The following SIL1 variants were observed in gnomAD, a reference collection of about 807,000 sequenced individuals.
The protein encoded by SIL1 is nucleotide exchange factor SIL1.
In SIL1, 40 loss-of-function variants were observed where a neutral mutation model predicts 49.1. The ratio of observed to expected loss-of-function variants is 0.81; its 90% confidence interval spans 0.63 to 1.06. The LOEUF (loss-of-function observed/expected upper bound fraction) is 1.06, where lower values mean the gene tolerates loss of function less well. SIL1 is among the 50% of genes least tolerant of loss of function. The probability of loss-of-function intolerance (pLI) is 0.00; values close to 1 mark genes in which losing one functional copy is unlikely to be tolerated. For synonymous variants in SIL1, 253 were observed against 250.8 expected, an observed-to-expected ratio of 1.01 and a Z score of -0.08; for missense variants, 500 against 572.6, an observed-to-expected ratio of 0.87 and a Z score of 1.29.
chr5:139,027,462 T>G (rs899470710), intron 5 of SIL1, among the ~76,000 whole-genome samples: 1 of 152,172 alleles, frequency 6.6e-6, no homozygotes, highest in Non-Finnish European at 1.5e-5. Context: ...CATAGAAAAC[T>G]ATGGGTAAGA....
chr5:139,057,939 G>A (rs1769492062), intron 3 of SIL1, among the ~76,000 whole-genome samples: 2 of 152,142 alleles, frequency 1.3e-5, no homozygotes, highest in Non-Finnish European at 2.9e-5. Context: ...CTATTCATGA[G>A]GCGTGGAACT....
intron 1 of SIL1, among the ~76,000 whole-genome samples, chr5:139,165,096 CACGCATTCTTTTAGGTCCGATAAGAA>C (rs1452071301): frequency 1.3e-5 from 2 of 152,284 alleles, no homozygotes; most frequent in East Asian, 3.9e-4. Context: ...AACTAAGAGT[CACGCATTCTTTTAGGTCCGATAAGAA>C]ACATTTTACA....
chr5:139,053,266 C>T (rs1769332166), intron 3 of SIL1, among the ~76,000 whole-genome samples: 1 of 152,168 alleles, frequency 6.6e-6, no homozygotes, highest in Non-Finnish European at 1.5e-5. Context: ...GCCCCCTTTA[C>T]TCTACCACAT....
chr5:139,173,979 A>C (rs1486717710), intron 1 of SIL1, among the ~76,000 whole-genome samples: 1 of 151,474 alleles, frequency 6.6e-6, no homozygotes, highest in Non-Finnish European at 1.5e-5. Flanking sequence ...AGAAAAAAAA[A>C]AAAACAGGAA....
intron 1 of SIL1, among the ~76,000 whole-genome samples, chr5:139,158,324 G>A (rs1751443710): frequency 6.6e-6 from 1 of 152,242 alleles, no homozygotes; most frequent in African/African-American, 2.4e-5. Flanking sequence ...ATCTTTGGGT[G>A]AGCCTCTGAA....
intron 3 of SIL1, among the ~76,000 whole-genome samples, chr5:139,075,721 A>G (rs1037986922): frequency 2.0e-5 from 3 of 152,222 alleles, no homozygotes; most frequent in South Asian, 2.1e-4. Flanking sequence ...CTGTGTGTCA[A>G]TGCCCCATTA....
intron 7 of SIL1, among the ~76,000 whole-genome samples, chr5:138,993,293 C>T (rs1168334524): frequency 1.3e-5 from 2 of 152,158 alleles, no homozygotes; most frequent in Admixed American, 6.5e-5. Flanking sequence ...GGGATGGCAT[C>T]CTAGTGTGAC....
intron 3 of SIL1, among the ~76,000 whole-genome samples, chr5:139,113,884 T>A (rs1245068027): frequency 6.6e-6 from 1 of 152,234 alleles, no homozygotes; most frequent in East Asian, 1.9e-4. Context: ...AAGTTTTCCA[T>A]CTCAGACATT....
Position 138,989,485 on chromosome 5 carries a change from G to A in SIL1, c.767+31686C>T, listed in dbSNP as rs575640629. Among the ~76,000 whole-genome samples, 3 of 152,248 alleles carry A rather than the reference G, an allele frequency of 2.0e-5. No homozygotes were observed. In the East Asian group the frequency reaches 5.8e-4, roughly 29 times the overall value. ...GATTAGCCATGGCAAGAGAAAAATG[G>A]GGCCCCCAGTGGTCACTACACATAT... On this transcript the variant is annotated intron_variant, in intron 7 of 9. Transcript: ENST00000394817.
At chr5:139,173,822 G>A (rs1282819565) in intron 1 of SIL1, among the ~76,000 whole-genome samples, 3 of 150,750 alleles carry the variant, frequency 2.0e-5, no homozygotes, top group Non-Finnish European at 1.5e-5. Context: ...AGCCGGGCGT[G>A]GTGGCAGGTG....
At chr5:138,958,655 G>A (rs10054796) in intron 7 of SIL1, among the ~76,000 whole-genome samples, 63,107 of 151,704 alleles carry the variant, frequency 0.42, 14,056 homozygotes, top group African/African-American at 0.6. Flanking sequence ...GTTCATTGGA[G>A]CACTTTGGAT....
Position 138,947,229 on chromosome 5 carries a change from A to G in SIL1, c.1274T>C (p.Leu425Pro), listed in dbSNP as rs1182791764. Residue 425 changes from leucine to proline, a missense_variant, in exon 10 of 10, where the codon CTG becomes CCG. Coordinates refer to ENST00000394817, the MANE Select transcript of SIL1 (RefSeq NM_022464.5). This position sits in a 1 kb window ranked among gnomAD's most constrained non-coding sequence, Gnocchi z 4.1. ...GGCCAGCACCTGGTACTCAGCCTGCAGGCTGGCCAGTGTCCTGCCGAGCTG... is the reference window on the plus strand; with the variant it reads ...GGCCAGCACCTGGTACTCAGCCTGCGGGCTGGCCAGTGTCCTGCCGAGCTG... ...DPQLGRTLAS[L>P]QAEYQVLASL... 4 of 1,612,866 alleles carry G rather than the reference A, an allele frequency of 2.5e-6. No homozygotes were observed. The highest frequency in any genetic ancestry group is 8.5e-7 in the Non-Finnish European group (1 of 1,179,902).
intron 1 of SIL1, among the ~76,000 whole-genome samples, chr5:139,130,136 T>TAGCC (rs1197673121): frequency 2.0e-5 from 3 of 152,014 alleles, no homozygotes; most frequent in African/African-American, 7.3e-5. Flanking sequence ...TTTTTTAAAT[T>TAGCC]AGCCAGGTGT....
chr5:139,084,655 G>T (rs1164058713), intron 3 of SIL1, among the ~76,000 whole-genome samples: 1 of 118,470 alleles, frequency 8.4e-6, no homozygotes, highest in Non-Finnish European at 1.7e-5. Context: ...GAGGGGGGAG[G>T]GATAGCATTG....
intron 1 of SIL1, among the ~76,000 whole-genome samples, chr5:139,129,641 C>T (rs937133994): frequency 6.6e-6 from 1 of 152,232 alleles, no homozygotes; most frequent in Admixed American, 6.5e-5. Context: ...CACTGCATTC[C>T]AGCCTGGGCA....
At chr5:139,184,597 C>G (rs1752046098) in intron 1 of SIL1, among the ~76,000 whole-genome samples, 1 of 152,040 alleles carries the variant, frequency 6.6e-6, no homozygotes, top group African/African-American at 2.4e-5. Context: ...ATCTTGAGCC[C>G]AAGATTTTGA....
intron 7 of SIL1, among the ~76,000 whole-genome samples, chr5:138,983,941 A>G (rs1313665492): frequency 6.6e-6 from 1 of 152,222 alleles, no homozygotes; most frequent in African/African-American, 2.4e-5. Context: ...GTGGGACAGG[A>G]GGCCACAAGT....
At chr5:139,168,833 G>C (rs539809485) in intron 1 of SIL1, among the ~76,000 whole-genome samples, 4 of 151,794 alleles carry the variant, frequency 2.6e-5, no homozygotes, top group Non-Finnish European at 1.5e-5. Flanking sequence ...CTGACGGCAC[G>C]TGTCTGTAGT....
At chr5:139,024,749 T>A (rs1252469917) in intron 6 of SIL1, among the ~76,000 whole-genome samples, 1 of 152,256 alleles carries the variant, frequency 6.6e-6, no homozygotes, top group Non-Finnish European at 1.5e-5. Context: ...GCTGGAGGAA[T>A]CCTTTTAAAA....
Sources: gnomAD v4.1 joint callset for allele counts (sites outside exome capture counted in the v4.1 genomes callset) on GRCh38, gnomAD v4.1.1 for gene constraint, Gnocchi (gnomAD v3.1) non-coding constraint, MANE v1.5 for transcripts, NCBI Gene and HGNC (gene_info 2026-07-23, HGNC 2026-07-21) for gene names.